The following MAML3 variants were observed in gnomAD, a reference collection of about 807,000 sequenced individuals.
MAML3 encodes the protein mastermind like transcriptional coactivator 3.
MAML3 carries 27 observed loss-of-function variants against 101.9 expected under a neutral mutation model. The observed-to-expected ratio is 0.27, with a 90% CI of 0.20 to 0.37. MAML3 has a LOEUF of 0.37. MAML3 is among the 10% of genes least tolerant of loss of function. MAML3 has a pLI of 1.00. For synonymous variants in MAML3, 501 were observed against 555.9 expected (o/e 0.90, Z 1.39); for missense variants, 1,316 against 1,444.9 (o/e 0.91, Z 1.45).
Position 139,917,965 on chromosome 4 carries a change from T to A in MAML3, c.469-26998A>T, listed in dbSNP as rs569888850. Among the ~76,000 whole-genome samples the A allele has an allele frequency of 5.3e-5, 8 of 152,360 alleles. 1 individual carries two copies. The East Asian group carries it at 1.5e-3, about 29-fold the overall frequency. On this transcript the variant is annotated intron_variant, in intron 1 of 4. Transcript: ENST00000509479. ...GAGGCGAGTCCCTTTATAAAGGGAA[T>A]AATCAGACTTTCTCTTTAAGTTTTG...
chr4:140,016,106 T>A lies in MAML3; in HGVS notation c.469-125139A>T, dbSNP rs552514126. Among the ~76,000 whole-genome samples the A allele has an allele frequency of 1.3e-4, 20 of 152,262 alleles. 1 individual carries two copies. The highest frequency in any genetic ancestry group is 4.1e-4 in the African/African-American group (17 of 41,552). ...TCCAGCAAGATAACAGGATACAAGA[T>A]TAGCATACAAAATATAATTTATATT... On this transcript the variant is annotated intron_variant, in intron 1 of 4. Coordinates refer to ENST00000509479, the MANE Select transcript of MAML3 (RefSeq NM_018717.5).
In MAML3 at chr4:139,889,373, A is replaced by C; in HGVS notation, c.2063T>G (p.Leu688Arg). The C allele has an allele frequency of 6.2e-7, 1 of 1,614,060 alleles. No individual in the cohort carries two copies. Among genetic ancestry groups the C allele is most frequent in the East Asian group, 2.2e-5 (1 of 44,884 alleles). ...VMNQPMAYAALPSHGQEQHPV... is the reference protein window; with the variant it reads ...VMNQPMAYAARPSHGQEQHPV... Reference sequence around the variant, plus strand: ...CACACTTACCTGACCGTGGGATGGAAGTGCAGCGTAAGCCATGGGCTGATT... The same window carrying C: ...CACACTTACCTGACCGTGGGATGGACGTGCAGCGTAAGCCATGGGCTGATT... The change falls in exon 2 of 5, where the codon CTT (leucine) becomes CGT (arginine). Residue 688 changes from leucine to arginine, a missense_variant. Transcript: ENST00000509479.
At chr4:139,933,974 T>C (rs2110731168) in intron 1 of MAML3, among the ~76,000 whole-genome samples, 1 of 152,204 alleles carries the variant, frequency 6.6e-6, no homozygotes, top group South Asian at 2.1e-4. Flanking sequence ...TGTGAGTGTA[T>C]GTGATTATGA....
intron 1 of MAML3, among the ~76,000 whole-genome samples, chr4:140,018,244 C>G (rs1183358049): frequency 6.6e-6 from 1 of 152,032 alleles, no homozygotes; most frequent in African/African-American, 2.4e-5. Context: ...AAAAGCCAAA[C>G]AAATGTATAA....
At chr4:139,839,117 T>C (rs1364412233) in intron 2 of MAML3, among the ~76,000 whole-genome samples, 1 of 152,170 alleles carries the variant, frequency 6.6e-6, no homozygotes, top group Non-Finnish European at 1.5e-5. Context: ...GTCTGATTCA[T>C]GGACACCACT....
At chr4:140,057,825 T>C (rs577735798) in intron 1 of MAML3, among the ~76,000 whole-genome samples, 4 of 152,300 alleles carry the variant, frequency 2.6e-5, no homozygotes, top group African/African-American at 7.2e-5. Flanking sequence ...TTTTTGTCCT[T>C]GTTGCTTTCA....
chr4:139,834,166 T>C (rs1214225079), intron 2 of MAML3, among the ~76,000 whole-genome samples: 1 of 152,260 alleles, frequency 6.6e-6, no homozygotes, highest in African/African-American at 2.4e-5. Context: ...TGGGTTTTAA[T>C]AGGAAACTTA....
chr4:140,102,480 T>C (rs1175973957), intron 1 of MAML3, among the ~76,000 whole-genome samples: 1 of 152,228 alleles, frequency 6.6e-6, no homozygotes, highest in Non-Finnish European at 1.5e-5. Context: ...GCCTCCTATC[T>C]GTGTCCTCAC....
chr4:140,132,915 T>C (rs1427338350), intron 1 of MAML3: 1 of 243,946 alleles, frequency 4.1e-6, no homozygotes, highest in Non-Finnish European at 8.5e-6. Flanking sequence ...ATCGTGAAAC[T>C]TCCTATTTCA....
intron 1 of MAML3, among the ~76,000 whole-genome samples, chr4:140,051,053 A>G (rs998910284): frequency 6.6e-6 from 1 of 152,176 alleles, no homozygotes; most frequent in Non-Finnish European, 1.5e-5. Flanking sequence ...ATTCCCTCCC[A>G]TTGAGAAAGA....
chr4:139,941,683 A>C (rs1309685597), intron 1 of MAML3, among the ~76,000 whole-genome samples: 1 of 152,154 alleles, frequency 6.6e-6, no homozygotes. Flanking sequence ...TGTTGAGTAC[A>C]TGTGTGTGTT....
chr4:140,079,578 G>A (rs1208831218), intron 1 of MAML3, among the ~76,000 whole-genome samples: 4 of 152,128 alleles, frequency 2.6e-5, no homozygotes, highest in African/African-American at 9.7e-5. Context: ...ACAGGCGTGA[G>A]CCACCACACC....
chr4:139,849,185 G>A (rs1731505204), intron 2 of MAML3, among the ~76,000 whole-genome samples: 1 of 152,094 alleles, frequency 6.6e-6, no homozygotes, highest in Admixed American at 6.5e-5. Context: ...CATAGAAAAG[G>A]GGAAAAATAA....
intron 1 of MAML3, among the ~76,000 whole-genome samples, chr4:139,992,731 G>GT (rs1734704259): frequency 6.6e-6 from 1 of 152,014 alleles, no homozygotes; most frequent in Admixed American, 6.5e-5. Context: ...CTAATTTTTT[G>GT]TATTTTTAGT....
intron 1 of MAML3, among the ~76,000 whole-genome samples, chr4:139,900,596 T>C (rs1420300492): frequency 7.9e-5 from 12 of 152,014 alleles, no homozygotes. Flanking sequence ...GTGTAGTCTC[T>C]GTATCCGAAG....
Position 139,725,847 on chromosome 4 carries a change from G to A in MAML3, c.2332-12C>T. On this transcript the variant is annotated splice_polypyrimidine_tract_variant and intron_variant, in intron 3 of 4. Transcript: ENST00000509479. ...GATTGCTGCAACTGCTAGAACAACAGAACACAAGAGGGGTGGAGAGGTGAG... is the reference window on the plus strand; with the variant it reads ...GATTGCTGCAACTGCTAGAACAACAAAACACAAGAGGGGTGGAGAGGTGAG... The A allele has an allele frequency of 6.2e-7, 1 of 1,611,744 alleles. No individual in the cohort carries two copies. Among genetic ancestry groups the A allele is most frequent in the Non-Finnish European group, 8.5e-7 (1 of 1,177,954 alleles).
intron 1 of MAML3, among the ~76,000 whole-genome samples, chr4:139,936,865 G>A (rs2110733767): frequency 6.6e-6 from 1 of 152,268 alleles, no homozygotes; most frequent in East Asian, 1.9e-4. Context: ...CGTGGCTTCA[G>A]TAGAGCTTTT....
intron 2 of MAML3, among the ~76,000 whole-genome samples, chr4:139,792,017 G>A (rs1412522560): frequency 6.6e-6 from 1 of 152,208 alleles, no homozygotes; most frequent in Non-Finnish European, 1.5e-5. Flanking sequence ...TTGGGCAGAT[G>A]CATGTTGGAG....
At chr4:139,891,070 C>T (rs547210382) in intron 1 of MAML3, 103 bp from the exon 2 acceptor site, 13 of 1,308,710 alleles carry the variant, frequency 9.9e-6, no homozygotes, top group Non-Finnish European at 1.2e-5. Context: ...AAGTGGTTTA[C>T]GACACACAGG....
Sources: allele counts gnomAD v4.1 joint callset (sites outside exome capture counted in the v4.1 genomes callset), GRCh38; gene constraint gnomAD v4.1.1; transcripts MANE v1.5; gene names NCBI Gene and HGNC (gene_info 2026-07-23, HGNC 2026-07-21).